SDK1: variants seen among roughly 807,000 people sequenced by gnomAD.
SDK1 encodes sidekick cell adhesion molecule 1, also known as protein sidekick-1.
A neutral mutation model predicts 245.5 loss-of-function variants in SDK1; 157 were observed. The observed-to-expected ratio is 0.64, with a 90% confidence interval of 0.56 to 0.73. The LOEUF is 0.73. Ranked by LOEUF, SDK1 falls within the 30% of genes least tolerant of loss-of-function variation. SDK1 has a pLI of 0.00. For synonymous variants in SDK1, 1,647 were observed against 1,278.5 expected (o/e 1.29, Z -6.15); for missense variants, 3,583 against 3,002.3 (o/e 1.19, Z -4.52).
At chr7:3,427,954 G>A (rs1463368119) in intron 1 of SDK1, among the ~76,000 whole-genome samples, 2 of 151,988 alleles carry the variant, frequency 1.3e-5, no homozygotes, top group African/African-American at 4.8e-5. Context: ...TTCTCTAAAC[G>A]TCGTTTATGT....
chr7:3,464,153 G>GT (rs1434835716), intron 1 of SDK1, among the ~76,000 whole-genome samples: 2 of 152,220 alleles, frequency 1.3e-5, no homozygotes, highest in African/African-American at 4.8e-5. Context: ...TTCCCTGAGT[G>GT]AAACCTATAC....
intron 35 of SDK1, among the ~76,000 whole-genome samples, chr7:4,194,397 T>C (rs540204022): frequency 1.3e-4 from 14 of 111,160 alleles, no homozygotes; most frequent in Non-Finnish European, 1.2e-4. Context: ...CATGTATACA[T>C]ATATGTATGC....
rs141161557 is a variant in SDK1, at chr7:4,143,185, C to T, written c.4229-2537C>T. Among the ~76,000 whole-genome samples the T allele has an allele frequency of 3.6e-3, 541 of 152,248 alleles. 7 individuals carry two copies. The highest frequency in any genetic ancestry group is 0.012 in the African/African-American group (502 of 41,546). On this transcript the variant is annotated intron_variant, in intron 28 of 44. Coordinates refer to ENST00000404826, the MANE Select transcript of SDK1 (RefSeq NM_152744.4). ...TTCCGGTGGGCATTCAGCACCCTGT[C>T]CTGGAGCTGCAGGGGCCTAAGGCAC...
At chr7:4,227,665 C>T (rs1039633845) in intron 40 of SDK1, among the ~76,000 whole-genome samples, 1 of 152,210 alleles carries the variant, frequency 6.6e-6, no homozygotes, top group African/African-American at 2.4e-5. Flanking sequence ...AGCATGGAGA[C>T]CCTGTTTAAT....
At chr7:3,511,068 TGGGCCAGGGTGGCAG>T (rs1451249462) in intron 1 of SDK1, among the ~76,000 whole-genome samples, 1 of 152,172 alleles carries the variant, frequency 6.6e-6, no homozygotes, top group Non-Finnish European at 1.5e-5. Flanking sequence ...GACAGTGGCT[TGGGCCAGGGTGGCAG>T]GGGCATCTTT....
chr7:3,685,328 AAAAG>A (rs1252046395), intron 4 of SDK1, among the ~76,000 whole-genome samples: 1 of 149,606 alleles, frequency 6.7e-6, no homozygotes, highest in Non-Finnish European at 1.5e-5. Flanking sequence ...TCACCAAAAG[AAAAG>A]AACTGTGTAC....
chr7:4,236,833 A>C (rs1045750926), intron 41 of SDK1, among the ~76,000 whole-genome samples: 2 of 152,130 alleles, frequency 1.3e-5, no homozygotes, highest in African/African-American at 4.8e-5. Context: ...GGGGTGTCCC[A>C]GCACCAGGAG....
chr7:4,168,970 A>G (rs1436621437), intron 32 of SDK1, among the ~76,000 whole-genome samples: 1 of 152,196 alleles, frequency 6.6e-6, no homozygotes, highest in Non-Finnish European at 1.5e-5. Context: ...GCCTGGGACC[A>G]TCTGGGTGGA....
chr7:3,775,134 C>G (rs924700371), intron 4 of SDK1, among the ~76,000 whole-genome samples: 3 of 152,176 alleles, frequency 2.0e-5, no homozygotes, highest in Non-Finnish European at 2.9e-5. Flanking sequence ...TTTGGAATTA[C>G]TTGGGTCATT....
chr7:4,206,873 G>C (rs954280566), intron 36 of SDK1, among the ~76,000 whole-genome samples: 1 of 152,172 alleles, frequency 6.6e-6, no homozygotes, highest in African/African-American at 2.4e-5. Context: ...TTTAAAGATG[G>C]TTTTTGCAGG....
intron 44 of SDK1, among the ~76,000 whole-genome samples, chr7:4,248,468 C>T (rs1251365060): frequency 2.6e-5 from 4 of 151,812 alleles, no homozygotes; most frequent in African/African-American, 7.3e-5. Context: ...TGCATACACA[C>T]GTGCTTACCT....
intron 5 of SDK1, among the ~76,000 whole-genome samples, chr7:3,923,190 C>T (rs924679767): frequency 3.9e-5 from 6 of 152,258 alleles, no homozygotes; most frequent in East Asian, 1.9e-4. Context: ...TGATCTCAAG[C>T]AGTGTAATTC....
At chr7:3,701,601 A>G (rs1292092842) in intron 4 of SDK1, among the ~76,000 whole-genome samples, 1 of 152,212 alleles carries the variant, frequency 6.6e-6, no homozygotes, top group Non-Finnish European at 1.5e-5. Flanking sequence ...CCTGTCTCAA[A>G]AAAACCCAAA....
intron 4 of SDK1, among the ~76,000 whole-genome samples, chr7:3,756,432 C>T (rs1002635380): frequency 6.6e-6 from 1 of 152,142 alleles, no homozygotes; most frequent in African/African-American, 2.4e-5. Flanking sequence ...ACTCCTTTCA[C>T]ATGGCATAGC....
At chr7:3,562,484 A>G (rs965423796) in intron 1 of SDK1, among the ~76,000 whole-genome samples, 2 of 152,126 alleles carry the variant, frequency 1.3e-5, no homozygotes, top group Admixed American at 6.5e-5. Context: ...GGGTGCTAAA[A>G]ACTAACAACA....
intron 22 of SDK1, among the ~76,000 whole-genome samples, chr7:4,108,660 T>C (rs547116779): frequency 6.8e-4 from 104 of 152,344 alleles, no homozygotes; most frequent in African/African-American, 2.5e-3. Context: ...TTTTATTGTT[T>C]CTTTTTTTCG....
chr7:4,001,493 T>G (rs956368757), intron 14 of SDK1, among the ~76,000 whole-genome samples: 1 of 152,232 alleles, frequency 6.6e-6, no homozygotes, highest in Non-Finnish European at 1.5e-5. Flanking sequence ...GTGCCCTGGA[T>G]GTAAGCAGTC....
At chr7:3,859,650 C>G (rs1034269531) in intron 5 of SDK1, among the ~76,000 whole-genome samples, 2 of 152,154 alleles carry the variant, frequency 1.3e-5, no homozygotes, top group South Asian at 2.1e-4. Context: ...AATTCCTTCT[C>G]TTTTGTCTTA....
chr7:3,972,933 C>G (rs1782605309), intron 12 of SDK1, among the ~76,000 whole-genome samples: 1 of 152,194 alleles, frequency 6.6e-6, no homozygotes, highest in East Asian at 1.9e-4. Flanking sequence ...TGGGGGCCAC[C>G]CTGGAGACGG....
Sources: gnomAD v4.1 joint callset for allele counts (sites outside exome capture counted in the v4.1 genomes callset) on GRCh38, gnomAD v4.1.1 for gene constraint, MANE v1.5 for transcripts, NCBI Gene and HGNC (gene_info 2026-07-23, HGNC 2026-07-21) for gene names.